Variants in BCAR1 observed in about 807,000 individuals in gnomAD.
BCAR1 encodes BCAR1 scaffold protein, Cas family member, also known as breast cancer anti-estrogen resistance protein 1.
A neutral mutation model predicts 67.6 loss-of-function variants in BCAR1; 30 were observed. The ratio of observed to expected loss-of-function variants is 0.44; its 90% CI spans 0.33 to 0.60. The LOEUF (loss-of-function observed/expected upper bound fraction) is 0.60, where lower values mean the gene tolerates loss of function less well. Among genes scored for constraint, BCAR1 ranks in the 20% least tolerant of loss-of-function variants. BCAR1 has a pLI of 0.02. For missense variants in BCAR1, 1,313 were observed against 1,222.3 expected (o/e 1.07, Z -1.11); for synonymous variants, 626 against 556.7 (o/e 1.12, Z -1.75).
intron 1 of BCAR1, chr16:75,266,591 C>T: frequency 1.6e-6 from 1 of 614,112 alleles, no homozygotes; most frequent in Non-Finnish European, 2.4e-6. Context: ...TACCATGGTG[C>T]CCACACATGG....
chr16:75,237,011 C>G lies in BCAR1; in HGVS notation c.796-13G>C, dbSNP rs762476545. 1 of 1,589,196 alleles carries G rather than the reference C, an allele frequency of 6.3e-7. No homozygotes were observed. The highest frequency in any genetic ancestry group is 1.2e-5 in the South Asian group (1 of 86,396). On this transcript the variant is annotated splice_polypyrimidine_tract_variant and intron_variant, in intron 3 of 6. Coordinates refer to ENST00000162330, the MANE Select transcript of BCAR1 (RefSeq NM_014567.5). ...GTGTGTCATACACCTGGGGCAGAAA[C>G]AGTGCAGGGTTAACGGCGCCAGGGC...
intron 6 of BCAR1, 122 bp downstream of exon 6, chr16:75,233,724 G>T (rs1167032244): frequency 9.8e-7 from 1 of 1,017,260 alleles, no homozygotes; most frequent in South Asian, 1.6e-5. Flanking sequence ...GCCGGGCCCA[G>T]CTCTGAGCAC....
At position 75,248,258 on chromosome 16, in the gene BCAR1, C is replaced by T. The variant is rs1356541041; in HGVS notation, c.12+3213G>A. On this transcript the variant is annotated intron_variant, in intron 1 of 6. Transcript: ENST00000162330. ...AGGCCTTTCCCACCCCTCCTGTCCA[C>T]GCCCCCAACGCACACATGCACCCGC... 2.0e-5 allele frequency: 29 copies of T among 1,469,796 alleles called. No individual in the cohort carries two copies. The East Asian group carries it at 2.8e-4, about 14-fold the overall frequency. 91.0% of individuals were successfully genotyped at this position (1,469,796 alleles called of 1,614,324 possible). A position where few individuals can be genotyped will look rare whatever the true frequency, so the allele number is the denominator to read the frequency against.
chr16:75,267,808 A>T, intron 1 of BCAR1: 1 of 1,204,176 alleles, frequency 8.3e-7, no homozygotes, highest in Non-Finnish European at 1.2e-6. Context: ...GGACCCTCCA[A>T]TCCATCTCAT....
In BCAR1 at chr16:75,237,200, TG is replaced by T. The variant is rs2151420207; in HGVS notation, c.777del (p.Ser260AlafsTer53). On this transcript the variant is annotated frameshift_variant, in exon 3 of 7. Transcript: ENST00000162330. LOFTEE classifies it high-confidence loss of function. Reference sequence around the variant, plus strand: ...ACACCTACCTCCTGGCCATACTGGCTGGGAAGCAGCCCCCGAACCGGGGGCA... The same window carrying T: ...ACACCTACCTCCTGGCCATACTGGCTGGAAGCAGCCCCCGAACCGGGGGCA... ...YDVPPVRGLL[P>X]SQYGQEVYDT... 6.4e-7 allele frequency: 1 copy of T among 1,572,472 alleles called. No homozygotes were observed. The highest frequency in any genetic ancestry group is 8.6e-7 in the Non-Finnish European group (1 of 1,161,702).
At chr16:75,248,223 GA>G in intron 1 of BCAR1, 3 of 1,540,742 alleles carry the variant, frequency 1.9e-6, no homozygotes, top group Non-Finnish European at 2.6e-6. Context: ...ACCACCAGAG[GA>G]AATGTCACAG....
chr16:75,241,732 C>T (rs8048529), intron 2 of BCAR1, among the ~76,000 whole-genome samples: 21,958 of 152,216 alleles, frequency 0.14, 1,896 homozygotes, highest in East Asian at 0.33. Flanking sequence ...ACTCGCTGCC[C>T]AGCTGGCACC....
chr16:75,248,723 C>A (rs956006009), intron 1 of BCAR1: 2 of 154,250 alleles, frequency 1.3e-5, no homozygotes, highest in African/African-American at 4.8e-5. Context: ...TCCAGAGCCA[C>A]CCCAGGGGAG....
In BCAR1 at chr16:75,248,145, C is replaced by G. The variant is rs546634966; in HGVS notation, c.12+3326G>C. 7.5e-6 allele frequency: 12 copies of G among 1,593,060 alleles called. No individual in the cohort carries two copies. The South Asian group carries it at 1.1e-4, about 15-fold the overall frequency. ...AGAAGCAGCAGAGGCCGACCCCAGG[C>G]TGAGACACGGTGGAGCTGGGTGGCT... On this transcript the variant is annotated intron_variant, in intron 1 of 6. Coordinates refer to ENST00000162330, the MANE Select transcript of BCAR1 (RefSeq NM_014567.5).
intron 1 of BCAR1, chr16:75,251,019 C>G (rs1438502169): frequency 1.0e-6 from 1 of 980,362 alleles, no homozygotes; most frequent in Admixed American, 6.1e-5. Flanking sequence ...CGGCCTCGGT[C>G]CCCCGGAGCT....
rs763794116 is a variant in BCAR1, at chr16:75,235,453, G to T, written c.1446C>A (p.Gly482=). The change falls in exon 5 of 7, where the codon GGC becomes GGA. Residue 482 remains glycine, a synonymous_variant. Transcript: ENST00000162330. ...GCCAGCTCCCAGTCGCACCGGCGCT[G>T]CCTGCCAGGTCCAGAAGGTGGGCAA... The part of the protein sequence containing the change: ...ATVAHLLDLA[G]SAGATGSWRS... The T allele has an allele frequency of 2.5e-6, 4 of 1,607,344 alleles. No individual in the cohort carries two copies. The South Asian group carries it at 4.4e-5, about 18-fold the overall frequency.
chr16:75,245,961 G>GT (rs1405738465), intron 1 of BCAR1: 1 of 27,016 alleles, frequency 3.7e-5, no homozygotes, highest in Non-Finnish European at 8.9e-5. Flanking sequence ...TCATAGGATT[G>GT]TTCTTTTTTT....
intron 1 of BCAR1, among the ~76,000 whole-genome samples, chr16:75,260,723 T>G (rs1368883144): frequency 6.8e-6 from 1 of 146,264 alleles, no homozygotes; most frequent in Non-Finnish European, 1.5e-5. Context: ...GAGTTTCGAC[T>G]GGTAAAAAAT....
At chr16:75,262,569 G>A (rs911616248) in intron 1 of BCAR1, among the ~76,000 whole-genome samples, 2 of 152,112 alleles carry the variant, frequency 1.3e-5, no homozygotes, top group Non-Finnish European at 2.9e-5. Flanking sequence ...CCTGAGCTGC[G>A]GACTTTGAAC....
chr16:75,262,245 G>A (rs1373469454), intron 1 of BCAR1, among the ~76,000 whole-genome samples: 3 of 152,164 alleles, frequency 2.0e-5, no homozygotes, highest in Non-Finnish European at 4.4e-5. Flanking sequence ...GGGGCTCCAC[G>A]GTACTCCTGG....
intron 6 of BCAR1, among the ~76,000 whole-genome samples, chr16:75,230,982 C>G (rs1246657611): frequency 6.6e-6 from 1 of 151,392 alleles, no homozygotes; most frequent in Admixed American, 6.6e-5. Context: ...TCTGGGAAGT[C>G]CAGGCTGCAG....
chr16:75,254,393 C>T (rs1597269922), upstream of BCAR1, among the ~76,000 whole-genome samples: 1 of 152,202 alleles, frequency 6.6e-6, no homozygotes, highest in Non-Finnish European at 1.5e-5. Context: ...CCCCACCCCA[C>T]TAAGTTTAGC....
intron 3 of BCAR1, 79 bp from the exon 4 acceptor site, chr16:75,237,077 T>C (rs939565773): frequency 4.6e-6 from 7 of 1,515,208 alleles, no homozygotes; most frequent in Non-Finnish European, 6.2e-6. Flanking sequence ...CGCAGCACCG[T>C]CCCCAGGCCT....
chr16:75,237,719 C>T (rs1029115570), intron 2 of BCAR1, among the ~76,000 whole-genome samples: 9 of 152,184 alleles, frequency 5.9e-5, no homozygotes, highest in Admixed American at 3.3e-4. Flanking sequence ...AGGAACCCCC[C>T]GTTACTGGGG....
Sources: gnomAD v4.1 joint callset for allele counts (sites outside exome capture counted in the v4.1 genomes callset) on GRCh38, gnomAD v4.1.1 for gene constraint, MANE v1.5 for transcripts, NCBI Gene and HGNC (gene_info 2026-07-23, HGNC 2026-07-21) for gene names.